Variants in RIDA observed in about 807,000 individuals in gnomAD.
RIDA encodes the protein 2-iminobutanoate/2-iminopropanoate deaminase.
In RIDA, 17 loss-of-function variants were observed where a neutral mutation model predicts 17.8. That is an observed-to-expected ratio of 0.96 (90% CI 0.65 to 1.43). The LOEUF is 1.43. RIDA is among the 40% of genes most tolerant of loss of function. The pLI, the probability that RIDA is intolerant of heterozygous loss-of-function variation, is 0.00. For synonymous variants in RIDA, 48 were observed against 55.7 expected (o/e 0.86, Z 0.62); for missense variants, 158 against 161.7 (o/e 0.98, Z 0.12).
At chr8:98,108,022 G>A (rs1189409593) in intron 2 of RIDA, among the ~76,000 whole-genome samples, 2 of 150,438 alleles carry the variant, frequency 1.3e-5, no homozygotes, top group Admixed American at 6.6e-5. Flanking sequence ...TGCCCGCCTC[G>A]GCCTCCCAAA....
At chr8:98,103,418 A>G (rs1815587183) in intron 5 of RIDA, among the ~76,000 whole-genome samples, 1 of 152,238 alleles carries the variant, frequency 6.6e-6, no homozygotes, top group Admixed American at 6.5e-5. Context: ...AGGCAGGAAT[A>G]TTGTGCTGCT....
intron 2 of RIDA, among the ~76,000 whole-genome samples, chr8:98,108,076 A>T (rs4461876): frequency 0.099 from 14,713 of 149,014 alleles, 966 homozygotes; most frequent in East Asian, 0.28. Context: ...GGCCTCCCCC[A>T]ACTAATTTTT....
chr8:98,106,785 T>C (rs1474560611), intron 2 of RIDA, among the ~76,000 whole-genome samples: 2 of 152,212 alleles, frequency 1.3e-5, no homozygotes, highest in Admixed American at 1.3e-4. Flanking sequence ...GGAAAAACAT[T>C]TATCTTTTTT....
rs745434901 is a variant in RIDA, at chr8:98,104,574, TAGAGA to T, written c.296-35_296-31del. On this transcript the variant is annotated intron_variant, in intron 4 of 5. Coordinates refer to ENST00000254878, the MANE Select transcript of RIDA (RefSeq NM_005836.3). ...ATTTAAAAGAATTTCATTTTTTTAA[TAGAGA>T]AGAGTTGAAAAAATAAAGATCAAGT... The T allele has an allele frequency of 1.6e-5, 20 of 1,265,742 alleles. No individual in the cohort carries two copies. The South Asian group carries it at 1.9e-4, about 12-fold the overall frequency. The allele number at this position is 1,265,742 out of a possible 1,614,324, so 78.4% of individuals were successfully genotyped here.
chr8:98,103,894 T>C (rs541115873), intron 5 of RIDA, among the ~76,000 whole-genome samples: 154 of 152,204 alleles, frequency 1.0e-3, no homozygotes, highest in African/African-American at 3.5e-3. Context: ...CGCCTCGGCC[T>C]CCGAAAGCGC....
At chr8:98,110,432 G>A (rs1177953781) in intron 1 of RIDA, among the ~76,000 whole-genome samples, 3 of 151,956 alleles carry the variant, frequency 2.0e-5, no homozygotes, top group Non-Finnish European at 4.4e-5. Flanking sequence ...GCTAATTTTT[G>A]CATTTTTAGT....
chr8:98,104,903 G>A lies in RIDA; in HGVS notation c.296-359C>T, dbSNP rs1815611847. ...TTTTTGTATTTTTAGTAGAGTCGGG[G>A]CTTCACCATGTTGGCCAGACTGGTC... On this transcript the variant is annotated intron_variant, in intron 4 of 5. Transcript: ENST00000254878. Among the ~76,000 whole-genome samples, 3 of 151,936 alleles carry A rather than the reference G, an allele frequency of 2.0e-5. 1 individual carries two copies. Among genetic ancestry groups the A allele is most frequent in the African/African-American group, 7.2e-5 (3 of 41,438 alleles).
At position 98,102,592 on chromosome 8, in the gene RIDA, T is replaced by C; in HGVS notation, c.*250A>G. The C allele has an allele frequency of 3.1e-6, 1 of 318,658 alleles. No individual in the cohort carries two copies. Among genetic ancestry groups the C allele is most frequent in the Admixed American group, 4.6e-5 (1 of 21,586 alleles). The allele number at this position is 318,658 out of a possible 1,614,324, so 19.7% of individuals were successfully genotyped here. A position where few individuals can be genotyped will look rare whatever the true frequency, so the allele number is the denominator to read the frequency against. On this transcript the variant is annotated 3_prime_UTR_variant, in exon 6 of 6. Transcript: ENST00000254878. Reference sequence around the variant, plus strand: ...CTCTTTTGTTTACTGAGTAACTATGTAATGGGTATCTCTTTCCTATATTCA... The same window carrying C: ...CTCTTTTGTTTACTGAGTAACTATGCAATGGGTATCTCTTTCCTATATTCA...
intron 1 of RIDA, among the ~76,000 whole-genome samples, chr8:98,115,953 A>C (rs1467508289): frequency 6.6e-6 from 1 of 152,166 alleles, no homozygotes; most frequent in Non-Finnish European, 1.5e-5. Context: ...AACAAACAAA[A>C]AAGACAGAAG....
intron 5 of RIDA, among the ~76,000 whole-genome samples, chr8:98,103,761 C>A (rs1391443259): frequency 6.6e-6 from 1 of 151,962 alleles, no homozygotes; most frequent in Non-Finnish European, 1.5e-5. Context: ...CTCAGCCTCC[C>A]GAGTAGCTGG....
chr8:98,110,416 C>G (rs556652840), intron 1 of RIDA, among the ~76,000 whole-genome samples: 1 of 152,126 alleles, frequency 6.6e-6, no homozygotes, highest in Non-Finnish European at 1.5e-5. Flanking sequence ...TGAGCCACCA[C>G]GCCCAGCTAA....
chr8:98,109,065 A>G (rs1815677716), intron 1 of RIDA, among the ~76,000 whole-genome samples: 1 of 152,040 alleles, frequency 6.6e-6, no homozygotes, highest in Non-Finnish European at 1.5e-5. Context: ...ATGGTGACGC[A>G]CACCCGTAGT....
rs56178607 is a variant in RIDA, at chr8:98,112,195, AACACAC to A, written c.66-3450_66-3445del. Reference sequence around the variant, plus strand: ...TGTTATCATAAATAAAACTATACTAAACACACACACACACACACACACACACACTTT... The same window carrying A: ...TGTTATCATAAATAAAACTATACTAAACACACACACACACACACACACTTT... On this transcript the variant is annotated intron_variant, in intron 1 of 5. Transcript: ENST00000254878. Among the ~76,000 whole-genome samples the A allele has an allele frequency of 8.8e-5, 13 of 148,070 alleles. No individual in the cohort carries two copies. The East Asian group carries it at 1.2e-3, about 14-fold the overall frequency.
chr8:98,104,000 CT>C (rs1815600293), intron 5 of RIDA, among the ~76,000 whole-genome samples: 1 of 150,388 alleles, frequency 6.6e-6, no homozygotes, highest in South Asian at 2.1e-4. Context: ...TAAAAGGTTT[CT>C]TAATTTTTTT....
chr8:98,114,327 C>A (rs899185202), intron 1 of RIDA, among the ~76,000 whole-genome samples: 1 of 143,158 alleles, frequency 7.0e-6, no homozygotes, highest in Admixed American at 6.9e-5. Flanking sequence ...CTGCTAAAAT[C>A]TTTTTTTTTT....
intron 4 of RIDA, 103 bp from the exon 5 acceptor site, chr8:98,104,647 A>G (rs1815608871): frequency 2.9e-6 from 2 of 684,922 alleles, no homozygotes; most frequent in Non-Finnish European, 2.5e-6. Context: ...TTGTTATTCA[A>G]TATCTACAAT....
At chr8:98,104,827 C>T (rs1265735058) in intron 4 of RIDA, among the ~76,000 whole-genome samples, 1 of 152,140 alleles carries the variant, frequency 6.6e-6, no homozygotes, top group African/African-American at 2.4e-5. Flanking sequence ...TCTCCTGCCT[C>T]AGCCTCCCGA....
intron 2 of RIDA, 127 bp from the exon 3 acceptor site, chr8:98,106,453 C>T (rs1303159228): frequency 8.2e-6 from 6 of 735,470 alleles, no homozygotes; most frequent in Non-Finnish European, 1.4e-5. Context: ...CCTCCCTACT[C>T]GCTTACAAGT....
intron 1 of RIDA, 138 bp downstream of exon 1, chr8:98,116,894 G>A (rs565351329): frequency 1.5e-6 from 1 of 684,676 alleles, no homozygotes; most frequent in African/African-American, 1.8e-5. Context: ...ACTCTCTGTG[G>A]GTCTTCGGGC....
Sources: gnomAD v4.1 joint callset for allele counts (sites outside exome capture counted in the v4.1 genomes callset) on GRCh38, gnomAD v4.1.1 for gene constraint, MANE v1.5 for transcripts, NCBI Gene and HGNC (gene_info 2026-07-23, HGNC 2026-07-21) for gene names.